MYO10: variants seen among roughly 807,000 people sequenced by gnomAD.
MYO10 encodes myosin X.
A neutral mutation model predicts 257.3 loss-of-function variants in MYO10; 133 were observed. The observed-to-expected ratio is 0.52, with a 90% CI of 0.45 to 0.60. The LOEUF (loss-of-function observed/expected upper bound fraction) is 0.60. Among genes scored for constraint, MYO10 ranks in the 20% least tolerant of loss-of-function variants. MYO10 has a pLI of 0.00. For synonymous variants in MYO10, 1,104 were observed against 1,028.6 expected, an observed-to-expected ratio of 1.07 and a Z score of -1.40; for missense variants, 2,399 against 2,635.7, an observed-to-expected ratio of 0.91 and a Z score of 1.97.
chr5:16,903,893 G>A (rs1442449336), intron 1 of MYO10, among the ~76,000 whole-genome samples: 1 of 152,218 alleles, frequency 6.6e-6, no homozygotes, highest in African/African-American at 2.4e-5. Flanking sequence ...GAAAATGACA[G>A]GCTGGGTTGT....
rs1416059775 is a variant in MYO10 at position 16,673,809 on chromosome 5, C to T, written c.5045G>A (p.Arg1682Gln). 7 of 1,613,852 alleles carry T rather than the reference C, an allele frequency of 4.3e-6. No individual in the cohort carries two copies. The highest frequency in any genetic ancestry group is 2.2e-5 in the East Asian group (1 of 44,878). ...TYESLKKTKC[R>Q]EFVPSRDEIE... The stretch of plus-strand genomic sequence containing the variant: ...TTCATCTCGGGAAGGCACAAACTCT[C>T]GGCATTTGGTTTTCTTAAGAGATTC... The change falls in exon 36 of 41, where the codon CGA becomes CAA. Residue 1682 changes from arginine (R) to glutamine (Q), a missense_variant. Around this residue, in one of 3 missense-constraint regions of MYO10, gnomAD observed 1,820 missense variants for 1,939.4 expected, o/e 0.94. Transcript: ENST00000513610.
chr5:16,701,397 C>G lies in MYO10; in HGVS notation c.2998G>C (p.Asp1000His). ...GGGGAGTCCTTGAAGGCGTCGTCGTCGGCTTCGAAGCCCTCATCGACCTCC... is the reference window on the plus strand; with the variant it reads ...GGGGAGTCCTTGAAGGCGTCGTCGTGGGCTTCGAAGCCCTCATCGACCTCC... ...EEEVDEGFEA[D>H]DDAFKDSPNP... is the part of the protein sequence containing the mutation. The change falls in exon 25 of 41, where the codon GAC becomes CAC. Residue 1000 changes from aspartate (D) to histidine (H), a missense_variant. By Grantham distance (81) the Asp-to-His change is moderately conservative. This residue lies in a region of MYO10 where 1,820 missense variants were observed against 1,939.4 expected (regional missense o/e 0.94). Transcript: ENST00000513610. The surrounding 1 kb of genome is among the most constrained non-coding windows in gnomAD (Gnocchi z 8.1). The G allele has an allele frequency of 1.2e-6, 2 of 1,613,994 alleles. No individual in the cohort carries two copies. The highest frequency in any genetic ancestry group is 1.7e-6 in the Non-Finnish European group (2 of 1,179,882).
At chr5:16,760,406 A>T (rs1334991776) in intron 17 of MYO10, among the ~76,000 whole-genome samples, 2 of 150,832 alleles carry the variant, frequency 1.3e-5, no homozygotes, top group Non-Finnish European at 3.0e-5. Context: ...GGTTGCAGTG[A>T]GCCGAGATTG....
intron 4 of MYO10, 26 bp from the exon 5 acceptor site, chr5:16,783,495 T>A (rs1297526169): frequency 6.3e-7 from 1 of 1,597,870 alleles, no homozygotes; most frequent in East Asian, 2.2e-5. Context: ...GAAAAGTTTG[T>A]GCTTCTAACT....
intron 4 of MYO10, among the ~76,000 whole-genome samples, chr5:16,791,494 T>C (rs1171172234): frequency 6.6e-6 from 1 of 152,036 alleles, no homozygotes; most frequent in Non-Finnish European, 1.5e-5. Context: ...CTCTCCCCCT[T>C]ATTTTTAAAT....
At chr5:16,748,457 C>A (rs562009316) in intron 19 of MYO10, among the ~76,000 whole-genome samples, 11 of 152,112 alleles carry the variant, frequency 7.2e-5, no homozygotes, top group African/African-American at 2.7e-4. Context: ...GTTGGCCAGG[C>A]TGGTCTCGAA....
At chr5:16,747,940 A>AG (rs1560963392) in intron 19 of MYO10, among the ~76,000 whole-genome samples, 3 of 123,498 alleles carry the variant, frequency 2.4e-5, no homozygotes, top group Non-Finnish European at 4.5e-5. Flanking sequence ...AAAAAAAAAA[A>AG]AAAAAAGAAA....
intron 2 of MYO10, among the ~76,000 whole-genome samples, chr5:16,822,914 C>T (rs530708018): frequency 6.6e-6 from 1 of 151,740 alleles, no homozygotes; most frequent in East Asian, 2.0e-4. Flanking sequence ...GTCTCGATCT[C>T]CTGACCTCGT....
chr5:16,787,444 C>T (rs894784840), intron 4 of MYO10, among the ~76,000 whole-genome samples: 1 of 152,046 alleles, frequency 6.6e-6, no homozygotes, highest in Non-Finnish European at 1.5e-5. Context: ...CTGTCTAACC[C>T]GTCTCCTCCT....
At chr5:16,804,102 AC>A (rs1427548274) in intron 3 of MYO10, among the ~76,000 whole-genome samples, 2 of 152,214 alleles carry the variant, frequency 1.3e-5, no homozygotes, top group Non-Finnish European at 2.9e-5. Flanking sequence ...CTGTGGATCT[AC>A]AGCGAATGCC....
chr5:16,775,200 A>G (rs892001167), intron 9 of MYO10, among the ~76,000 whole-genome samples: 1 of 152,220 alleles, frequency 6.6e-6, no homozygotes, highest in African/African-American at 2.4e-5. Flanking sequence ...GAAGGGCTGT[A>G]TAAGAAATGC....
chr5:16,763,789 G>C, intron 12 of MYO10, 34 bp from the exon 13 acceptor site: 1 of 1,232,634 alleles, frequency 8.1e-7, no homozygotes, highest in South Asian at 1.3e-5. Context: ...AGTATCTTTA[G>C]TGTACTCACG....
chr5:16,789,663 C>G (rs1741696332), intron 4 of MYO10, among the ~76,000 whole-genome samples: 1 of 152,164 alleles, frequency 6.6e-6, no homozygotes, highest in Non-Finnish European at 1.5e-5. Flanking sequence ...CATGATGGTG[C>G]ACGCCTGTAA....
intron 19 of MYO10, chr5:16,741,764 T>C (rs879751151): frequency 1.8e-5 from 18 of 975,460 alleles, no homozygotes; most frequent in Non-Finnish European, 1.9e-5. Context: ...GCAAGTTACA[T>C]GAAACTTTTA....
intron 31 of MYO10, among the ~76,000 whole-genome samples, 174 bp downstream of exon 31, chr5:16,681,697 A>C (rs1414766982): frequency 6.6e-6 from 1 of 152,224 alleles, no homozygotes. Context: ...AGCAACAAAA[A>C]ACATGACCCT....
chr5:16,699,499 C>A lies in MYO10; in HGVS notation c.3507G>T (p.Val1169=). The stretch of plus-strand genomic sequence containing the variant: ...AATACGGCAGAGTGACACAGCTGTA[C>A]ACAGAGTCACGCCGGTATGAAAGCT... ...DDELSYRRDS[V]YSCVTLPYFH... Residue 1169 remains valine (V), a synonymous_variant, in exon 26 of 41, where the codon GTG becomes GTT. Coordinates refer to ENST00000513610, the MANE Select transcript of MYO10 (RefSeq NM_012334.3). 2 of 1,613,824 alleles carry A rather than the reference C, an allele frequency of 1.2e-6. No individual in the cohort carries two copies. Among genetic ancestry groups the A allele is most frequent in the Non-Finnish European group, 1.7e-6 (2 of 1,179,852 alleles).
intron 2 of MYO10, among the ~76,000 whole-genome samples, chr5:16,833,468 T>G (rs1743217823): frequency 1.3e-5 from 2 of 152,146 alleles, no homozygotes; most frequent in Non-Finnish European, 1.5e-5. Context: ...CACCTCAGCC[T>G]CCCAAAGTGC....
intron 28 of MYO10, among the ~76,000 whole-genome samples, chr5:16,688,728 G>A (rs1407911525): frequency 1.4e-5 from 2 of 143,296 alleles, no homozygotes; most frequent in South Asian, 2.3e-4. Flanking sequence ...CAACAAGAGA[G>A]AAACTCTGTC....
At chr5:16,706,493 G>A (rs1738349793) in intron 21 of MYO10, among the ~76,000 whole-genome samples, 1 of 152,110 alleles carries the variant, frequency 6.6e-6, no homozygotes, top group Admixed American at 6.5e-5. Flanking sequence ...TTTTTGTTTG[G>A]TATTACATAT....
Sources: allele counts gnomAD v4.1 joint callset (sites outside exome capture counted in the v4.1 genomes callset), GRCh38; gene constraint gnomAD v4.1.1; regional missense constraint gnomAD v4.1.1; non-coding constraint Gnocchi (gnomAD v3.1); transcripts MANE v1.5; gene names NCBI Gene and HGNC (gene_info 2026-07-23, HGNC 2026-07-21).